The following SCAPER variants were observed in gnomAD, a reference collection of about 807,000 sequenced individuals.
SCAPER encodes the protein S phase cyclin A-associated protein in the endoplasmic reticulum.
In SCAPER, 98 loss-of-function variants were observed where a neutral mutation model predicts 182.2. The ratio of observed to expected loss-of-function variants is 0.54; its 90% CI spans 0.46 to 0.64. The LOEUF is 0.64. SCAPER is among the 30% of genes least tolerant of loss of function. The probability of loss-of-function intolerance (pLI) is 0.00; values close to 1 mark genes in which losing one functional copy is unlikely to be tolerated. For missense variants in SCAPER, 1,432 were observed against 1,690.0 expected (o/e 0.85, Z 2.68); for synonymous variants, 605 against 564.6 (o/e 1.07, Z -1.01).
At chr15:76,608,651 T>C (rs1179668431) in intron 22 of SCAPER, among the ~76,000 whole-genome samples, 1 of 152,228 alleles carries the variant, frequency 6.6e-6, no homozygotes, top group East Asian at 1.9e-4. Context: ...CTCCTTGAGC[T>C]GTGGTGGGCT....
At chr15:76,522,299 T>A (rs1472069829) in intron 23 of SCAPER, among the ~76,000 whole-genome samples, 1 of 152,142 alleles carries the variant, frequency 6.6e-6, no homozygotes, top group African/African-American at 2.4e-5. Context: ...TTATTCCAAT[T>A]TGAATTTGGT....
chr15:76,391,706 T>G (rs2043711369), intron 27 of SCAPER, among the ~76,000 whole-genome samples: 1 of 152,206 alleles, frequency 6.6e-6, no homozygotes, highest in African/African-American at 2.4e-5. Context: ...CAGCTGTTTC[T>G]CAAGTTCTTA....
intron 24 of SCAPER, among the ~76,000 whole-genome samples, chr15:76,502,432 T>C (rs1413064013): frequency 6.6e-6 from 1 of 152,158 alleles, no homozygotes; most frequent in Non-Finnish European, 1.5e-5. Context: ...GCGACATAGA[T>C]GAAGCTGGAA....
At chr15:76,739,978 G>T (rs1386496789) in intron 15 of SCAPER, among the ~76,000 whole-genome samples, 1 of 152,052 alleles carries the variant, frequency 6.6e-6, no homozygotes, top group Non-Finnish European at 1.5e-5. Context: ...ACCAGCCTGG[G>T]CAACATAGCA....
At chr15:76,543,130 T>C (rs1051553744) in intron 23 of SCAPER, among the ~76,000 whole-genome samples, 4 of 152,196 alleles carry the variant, frequency 2.6e-5, no homozygotes, top group African/African-American at 9.6e-5. Flanking sequence ...CACAATCACA[T>C]GTAGACATTT....
chr15:76,422,677 G>A (rs1425634388), intron 26 of SCAPER, among the ~76,000 whole-genome samples: 4 of 151,162 alleles, frequency 2.6e-5, no homozygotes, highest in South Asian at 2.1e-4. Flanking sequence ...GTGGTGAGAG[G>A]GGGCATCCCT....
In SCAPER at chr15:76,485,387, A is replaced by G. The variant is rs569850162; in HGVS notation, c.2955-14052T>C. On this transcript the variant is annotated intron_variant, in intron 24 of 31. Transcript: ENST00000563290. Reference sequence around the variant, plus strand: ...ACACTGCTTAAAGAAACCAAAGATGACACAAACAAATGCAAAAATATTCCA... The same window carrying G: ...ACACTGCTTAAAGAAACCAAAGATGGCACAAACAAATGCAAAAATATTCCA... Among the ~76,000 whole-genome samples, 3 of 152,342 alleles carry G rather than the reference A, an allele frequency of 2.0e-5. No individual in the cohort carries two copies. The South Asian group carries it at 6.2e-4, about 32-fold the overall frequency.
intron 5 of SCAPER, among the ~76,000 whole-genome samples, chr15:76,815,827 C>T (rs145133988): frequency 1.3e-5 from 2 of 152,230 alleles, no homozygotes; most frequent in East Asian, 1.9e-4. Flanking sequence ...GACCCCAGTC[C>T]GTTGAAACAT....
rs771560178 is a variant in SCAPER, at chr15:76,733,306, C to T, written c.1945G>A (p.Glu649Lys). Residue 649 changes from glutamate (E) to lysine (K), a missense_variant, in exon 16 of 32, where the codon GAA (glutamate) becomes AAA (lysine). Coordinates refer to ENST00000563290, the MANE Select transcript of SCAPER (RefSeq NM_020843.4). ...TCCTGTAGCTCATTAAGCCTCTGTTCATATTCCTTCAATTTTGATAAAACA... is the reference window on the plus strand; with the variant it reads ...TCCTGTAGCTCATTAAGCCTCTGTTTATATTCCTTCAATTTTGATAAAACA... Reference protein sequence around the residue: ...HDVLSKLKEYEQRLNELQEER... With the variant: ...HDVLSKLKEYKQRLNELQEER... The T allele has an allele frequency of 4.3e-6, 7 of 1,612,738 alleles. No individual in the cohort carries two copies. Among genetic ancestry groups the T allele is most frequent in the Non-Finnish European group, 5.9e-6 (7 of 1,179,342 alleles).
At chr15:76,627,497 T>C (rs1448091049) in intron 21 of SCAPER, among the ~76,000 whole-genome samples, 1 of 152,068 alleles carries the variant, frequency 6.6e-6, no homozygotes, top group African/African-American at 2.4e-5. Flanking sequence ...CCTGTGTCCA[T>C]GTGTTCTCAT....
chr15:76,833,901 C>T (rs1258450925), intron 5 of SCAPER, among the ~76,000 whole-genome samples: 2 of 152,310 alleles, frequency 1.3e-5, no homozygotes, highest in African/African-American at 2.4e-5. Flanking sequence ...GATAACCACA[C>T]ATAACAATAG....
chr15:76,554,500 T>C (rs957356123), intron 23 of SCAPER, among the ~76,000 whole-genome samples: 1 of 152,204 alleles, frequency 6.6e-6, no homozygotes, highest in Admixed American at 6.5e-5. Flanking sequence ...TGAGACAGTA[T>C]ACAAGATGAC....
At chr15:76,616,620 T>C (rs947180661) in intron 22 of SCAPER, among the ~76,000 whole-genome samples, 5 of 152,156 alleles carry the variant, frequency 3.3e-5, no homozygotes, top group Non-Finnish European at 5.9e-5. Context: ...ATAGTAAATT[T>C]TGCTATATGT....
intron 3 of SCAPER, among the ~76,000 whole-genome samples, chr15:76,860,093 A>G (rs576179584): frequency 6.6e-6 from 1 of 152,194 alleles, no homozygotes; most frequent in African/African-American, 2.4e-5. Flanking sequence ...ATGTTCTTGT[A>G]TGAAAAATCG....
At chr15:76,423,913 T>C (rs2046233730) in intron 26 of SCAPER, among the ~76,000 whole-genome samples, 1 of 152,134 alleles carries the variant, frequency 6.6e-6, no homozygotes, top group African/African-American at 2.4e-5. Context: ...GTTCAGTTTC[T>C]GTGTAGTTGA....
chr15:76,361,163 A>G (rs977434164), intron 29 of SCAPER, among the ~76,000 whole-genome samples: 9 of 152,188 alleles, frequency 5.9e-5, no homozygotes, highest in African/African-American at 2.2e-4. Flanking sequence ...TAAAATTCCA[A>G]GGAGTGGCTA....
intron 22 of SCAPER, among the ~76,000 whole-genome samples, chr15:76,574,613 C>T (rs1448709878): frequency 6.6e-6 from 1 of 152,062 alleles, no homozygotes; most frequent in Admixed American, 6.6e-5. Context: ...AGGATGAGAG[C>T]AGAGAAAATG....
At chr15:76,478,737 T>C (rs2050857802) in intron 24 of SCAPER, among the ~76,000 whole-genome samples, 2 of 152,168 alleles carry the variant, frequency 1.3e-5, no homozygotes, top group South Asian at 4.1e-4. Flanking sequence ...TTGATAACTA[T>C]CTATCATCGT....
At chr15:76,578,073 C>T (rs2047985345) in intron 22 of SCAPER, among the ~76,000 whole-genome samples, 1 of 151,758 alleles carries the variant, frequency 6.6e-6, no homozygotes, top group Admixed American at 6.6e-5. Context: ...GCAGTACTCA[C>T]CATAGGCCTG....
Sources: gnomAD v4.1 joint callset for allele counts (sites outside exome capture counted in the v4.1 genomes callset) on GRCh38, gnomAD v4.1.1 for gene constraint, MANE v1.5 for transcripts, NCBI Gene and HGNC (gene_info 2026-07-23, HGNC 2026-07-21) for gene names.